COL24A1: variants seen among roughly 807,000 people sequenced by gnomAD.
COL24A1 encodes collagen type XXIV alpha 1 chain, also known as collagen alpha-1(XXIV) chain.
COL24A1 carries 224 observed loss-of-function variants against 253.9 expected under a neutral mutation model. The observed-to-expected ratio is 0.88, with a 90% CI of 0.79 to 0.99. The LOEUF is 0.99. COL24A1 is among the 50% of genes least tolerant of loss of function. The probability of loss-of-function intolerance (pLI) is 0.00; values close to 1 mark genes in which losing one functional copy is unlikely to be tolerated. For missense variants in COL24A1, 2,131 were observed against 2,068.5 expected, an observed-to-expected ratio of 1.03 and a Z score of -0.59; for synonymous variants, 685 against 673.7, an observed-to-expected ratio of 1.02 and a Z score of -0.26.
chr1:86,028,029 T>A (rs1239442350), intron 14 of COL24A1, among the ~76,000 whole-genome samples: 1 of 152,208 alleles, frequency 6.6e-6, no homozygotes, highest in African/African-American at 2.4e-5. Context: ...TCATGGAGCC[T>A]GTAGCCCCTT....
intron 7 of COL24A1, among the ~76,000 whole-genome samples, chr1:86,087,841 G>C (rs77867367): frequency 1.3e-5 from 2 of 152,056 alleles, no homozygotes; most frequent in Admixed American, 1.3e-4. Context: ...GTCTCCTTGC[G>C]GGGGCAACCA....
chr1:85,908,399 T>G (rs1571175116), intron 27 of COL24A1, among the ~76,000 whole-genome samples, 199 bp downstream of exon 27: 1 of 151,880 alleles, frequency 6.6e-6, no homozygotes, highest in East Asian at 1.9e-4. Context: ...TGAAATTGAT[T>G]GTATACCAAG....
intron 47 of COL24A1, among the ~76,000 whole-genome samples, chr1:85,811,035 A>C (rs1292688119): frequency 6.6e-6 from 1 of 152,164 alleles, no homozygotes. Context: ...CTTTCATATA[A>C]GTGAGATCAC....
At chr1:85,905,738 G>A (rs1684757008) in intron 28 of COL24A1, among the ~76,000 whole-genome samples, 1 of 152,104 alleles carries the variant, frequency 6.6e-6, no homozygotes, top group Non-Finnish European at 1.5e-5. Context: ...GGTGAAGTTA[G>A]AAAACTGCAG....
At chr1:85,873,866 T>G (rs1472357053) in intron 35 of COL24A1, among the ~76,000 whole-genome samples, 5 of 151,996 alleles carry the variant, frequency 3.3e-5, no homozygotes, top group Non-Finnish European at 7.4e-5. Flanking sequence ...ATTAATTAGT[T>G]GTCTTTTAGA....
intron 19 of COL24A1, among the ~76,000 whole-genome samples, chr1:86,010,980 CA>C: frequency 6.6e-6 from 1 of 152,200 alleles, no homozygotes; most frequent in East Asian, 1.9e-4. Context: ...TTGGATACCT[CA>C]GGGGGCAGGT....
intron 8 of COL24A1, among the ~76,000 whole-genome samples, chr1:86,061,031 T>A (rs1252963151): frequency 2.0e-5 from 3 of 151,972 alleles, no homozygotes; most frequent in Non-Finnish European, 4.4e-5. Context: ...TATTCCCATA[T>A]GAGAGATGAG....
chr1:85,922,992 AAC>A (rs2103023113), intron 24 of COL24A1, among the ~76,000 whole-genome samples: 1 of 66,584 alleles, frequency 1.5e-5, no homozygotes, highest in Middle Eastern at 8.2e-3. Flanking sequence ...GCAAATGGAG[AAC>A]AAAAAAAAAA....
At chr1:86,116,956 A>C (rs1706205351) in intron 3 of COL24A1, among the ~76,000 whole-genome samples, 2 of 152,188 alleles carry the variant, frequency 1.3e-5, no homozygotes. Flanking sequence ...TGTCAAGAAA[A>C]ATTGACTTTC....
In COL24A1 at chr1:86,125,756, C is replaced by A; in HGVS notation, c.580G>T (p.Val194Phe). 3 of 1,611,806 alleles carry A rather than the reference C, an allele frequency of 1.9e-6. No homozygotes were observed. The East Asian group carries it at 6.7e-5, about 36-fold the overall frequency. Residue 194 changes from valine (V) to phenylalanine (F), a missense_variant, in exon 3 of 60, where the codon GTT becomes TTT. Physicochemically the swap from Val to Phe is conservative, Grantham distance 50 (BLOSUM62 -1). Coordinates refer to ENST00000370571, the MANE Select transcript of COL24A1 (RefSeq NM_152890.7). ...KYFSTETIPE[V>F]QTFDSNSVFT... ...ACACTATTAGAATCAAAGGTCTGAA[C>A]TTCTGGAATAGTCTCTGTGCTAAAA...
chr1:85,762,589 C>A (rs781385058), intron 53 of COL24A1, among the ~76,000 whole-genome samples: 10 of 152,158 alleles, frequency 6.6e-5, no homozygotes, highest in Non-Finnish European at 1.3e-4. Flanking sequence ...ATCATCCATT[C>A]ATTTAATTAT....
intron 2 of COL24A1, among the ~76,000 whole-genome samples, chr1:86,139,657 T>C (rs1650796982): frequency 6.6e-6 from 1 of 152,182 alleles, no homozygotes. Context: ...TAAATTAATA[T>C]AACATAGCAC....
chr1:85,947,357 C>T lies in COL24A1; in HGVS notation c.2562+13892G>A, dbSNP rs147264963. ...GAACCCCCATTTACAATCTAGTGTCCGCAGTCCAGTGGAAGAAATGCAGGT... is the reference window on the plus strand; with the variant it reads ...GAACCCCCATTTACAATCTAGTGTCTGCAGTCCAGTGGAAGAAATGCAGGT... On this transcript the variant is annotated intron_variant, in intron 24 of 59. Coordinates refer to ENST00000370571, the MANE Select transcript of COL24A1 (RefSeq NM_152890.7). Among the ~76,000 whole-genome samples the T allele has an allele frequency of 4.8e-3, 725 of 152,198 alleles. 1 individual carries two copies. The highest frequency in any genetic ancestry group is 8.4e-3 in the Non-Finnish European group (569 of 68,014).
chr1:85,994,622 T>C (rs1694601252), intron 19 of COL24A1, among the ~76,000 whole-genome samples: 1 of 152,060 alleles, frequency 6.6e-6, no homozygotes, highest in Non-Finnish European at 1.5e-5. Flanking sequence ...GGTAGGAAAG[T>C]AATAATAAAA....
intron 24 of COL24A1, among the ~76,000 whole-genome samples, chr1:85,923,953 A>T (rs1005666376): frequency 7.9e-5 from 12 of 152,304 alleles, no homozygotes; most frequent in African/African-American, 2.9e-4. Flanking sequence ...AGAGAGAAGA[A>T]TCAAACAGAC....
intron 47 of COL24A1, among the ~76,000 whole-genome samples, chr1:85,792,523 T>TAAAAA (rs34566729): frequency 7.8e-6 from 1 of 128,088 alleles, no homozygotes; most frequent in African/African-American, 2.9e-5. Context: ...ACCCCATCTC[T>TAAAAA]AAAAAAAAAA....
intron 12 of COL24A1, among the ~76,000 whole-genome samples, chr1:86,037,484 T>C (rs1015626069): frequency 7.9e-5 from 12 of 152,172 alleles, no homozygotes; most frequent in South Asian, 4.1e-4. Context: ...GGACAGTCTA[T>C]AGGACCTGAG....
rs141231558 is a variant in COL24A1, at chr1:86,044,450, C to T, written c.1950+2375G>A. ...TACATATAGCATACATAATATATTA[C>T]GGTACTAGACAGACTTTAAAATAAA... On this transcript the variant is annotated intron_variant, in intron 12 of 59. Transcript: ENST00000370571. Among the ~76,000 whole-genome samples the T allele has an allele frequency of 3.1e-3, 466 of 152,048 alleles. 1 individual carries two copies. The highest frequency in any genetic ancestry group is 9.1e-3 in the African/African-American group (379 of 41,500).
intron 24 of COL24A1, among the ~76,000 whole-genome samples, chr1:85,912,430 A>G (rs1205065699): frequency 6.6e-6 from 1 of 152,204 alleles, no homozygotes; most frequent in East Asian, 1.9e-4. Context: ...ACTTTTATTT[A>G]AAGACAAATG....
Sources: allele counts gnomAD v4.1 joint callset (sites outside exome capture counted in the v4.1 genomes callset), GRCh38; gene constraint gnomAD v4.1.1; transcripts MANE v1.5; gene names NCBI Gene and HGNC (gene_info 2026-07-23, HGNC 2026-07-21).